Variants in ROCK1 observed in about 807,000 individuals in gnomAD.
ROCK1 encodes the protein rho-associated protein kinase 1.
In ROCK1, 36 loss-of-function variants were observed where a neutral mutation model predicts 196.8. That is an observed-to-expected ratio of 0.18 (90% confidence interval 0.14 to 0.24). ROCK1 has a LOEUF of 0.24. Among genes scored for constraint, ROCK1 ranks in the 10% least tolerant of loss-of-function variants. The pLI, the probability that ROCK1 is intolerant of heterozygous loss-of-function variation, is 1.00. For missense variants in ROCK1, 920 were observed against 1,562.0 expected, an observed-to-expected ratio of 0.59 and a Z score of 6.93; for synonymous variants, 443 against 515.9, an observed-to-expected ratio of 0.86 and a Z score of 1.91.
Position 21,108,823 on chromosome 18 carries a change from T to A in ROCK1, c.93+1995A>T, listed in dbSNP as rs528390436. 2.0e-5 allele frequency among the ~76,000 whole-genome samples: 3 copies of A among 152,374 alleles called. No individual in the cohort carries two copies. The South Asian group carries it at 6.2e-4, about 32-fold the overall frequency. On this transcript the variant is annotated intron_variant, in intron 1 of 32. Coordinates refer to ENST00000399799, the MANE Select transcript of ROCK1 (RefSeq NM_005406.3). Reference sequence around the variant, plus strand: ...CCATCTTCCACACACCAGATTCATCTTCTTCATTCATCCTAGCACGGTCTT... The same window carrying A: ...CCATCTTCCACACACCAGATTCATCATCTTCATTCATCCTAGCACGGTCTT...
At chr18:21,056,267 T>C (rs538803010) in intron 2 of ROCK1, among the ~76,000 whole-genome samples, 107 of 152,276 alleles carry the variant, frequency 7.0e-4, no homozygotes, top group African/African-American at 2.5e-3. Context: ...ATCTATTCAA[T>C]TACTTTCAAA....
At chr18:21,017,443 G>A (rs374612727) in intron 12 of ROCK1, among the ~76,000 whole-genome samples, 1 of 151,284 alleles carries the variant, frequency 6.6e-6, no homozygotes, top group East Asian at 2.0e-4. Context: ...GCCTGCCTCG[G>A]CCTCCCAAAG....
chr18:21,006,651 T>C (rs1032272018), intron 15 of ROCK1, 48 bp downstream of exon 15: 1 of 1,585,868 alleles, frequency 6.3e-7, no homozygotes, highest in South Asian at 1.2e-5. Flanking sequence ...CGATATAATT[T>C]AATTATCTAC....
chr18:21,009,173 T>TC (rs1293170416), intron 13 of ROCK1, among the ~76,000 whole-genome samples: 1 of 149,338 alleles, frequency 6.7e-6, no homozygotes, highest in East Asian at 1.9e-4. Context: ...AGGCTTTTTT[T>TC]TTTTTTTTTT....
intron 1 of ROCK1, among the ~76,000 whole-genome samples, chr18:21,100,609 G>A (rs2036651437): frequency 1.3e-5 from 2 of 151,706 alleles, no homozygotes; most frequent in Non-Finnish European, 2.9e-5. Context: ...AAGACTGAGA[G>A]CGAAATAAAT....
intron 22 of ROCK1, among the ~76,000 whole-genome samples, chr18:20,978,408 T>G (rs965172682): frequency 1.3e-5 from 2 of 152,180 alleles, no homozygotes; most frequent in African/African-American, 4.8e-5. Context: ...AAATGTCCAA[T>G]AAAACTTTCC....
rs375110407 is a variant in ROCK1 at position 20,981,177 on chromosome 18, G to A, written c.2560-1173C>T. 7.9e-5 allele frequency among the ~76,000 whole-genome samples: 12 copies of A among 151,990 alleles called. No homozygotes were observed. The East Asian group carries it at 2.1e-3, about 27-fold the overall frequency. On this transcript the variant is annotated intron_variant, in intron 21 of 32. Transcript: ENST00000399799. ...TGGGAGGCCGAGGCGGGCAGATCAT[G>A]GGGTCAGGAGATCGAAACCATCCTG...
At chr18:20,957,483 TTC>T (rs2035254467) in intron 29 of ROCK1, among the ~76,000 whole-genome samples, 4 of 151,774 alleles carry the variant, frequency 2.6e-5, no homozygotes, top group Non-Finnish European at 5.9e-5. Flanking sequence ...GCTTTCCTTT[TTC>T]TTTTTTTTTT....
intron 19 of ROCK1, among the ~76,000 whole-genome samples, chr18:20,985,591 T>A (rs960225359): frequency 6.6e-6 from 1 of 152,200 alleles, no homozygotes; most frequent in Non-Finnish European, 1.5e-5. Context: ...TGTTTTTCCC[T>A]CCTGGCTGTA....
At chr18:20,995,748 C>A (rs1041622791) in intron 16 of ROCK1, among the ~76,000 whole-genome samples, 1 of 152,200 alleles carries the variant, frequency 6.6e-6, no homozygotes, top group Non-Finnish European at 1.5e-5. Context: ...AGAACAGAGC[C>A]TCTGCATTAT....
intron 14 of ROCK1, 61 bp downstream of exon 14, chr18:21,007,998 A>G (rs2035782643): frequency 2.2e-6 from 3 of 1,341,692 alleles, no homozygotes; most frequent in Non-Finnish European, 3.0e-6. Context: ...ACACTAAATT[A>G]AAGACAACCT....
rs111809781 is a variant in ROCK1, at chr18:21,038,003, T to C, written c.1051+1469A>G. ...TGGTTATTCTATAATTATTTATGCA[T>C]TGCTTAACTTTGAAAAAGAATTTAA... is the stretch of plus-strand genomic sequence containing the variant. On this transcript the variant is annotated intron_variant, in intron 9 of 32. Coordinates refer to ENST00000399799, the MANE Select transcript of ROCK1 (RefSeq NM_005406.3). 3.9e-5 allele frequency among the ~76,000 whole-genome samples: 6 copies of C among 152,292 alleles called. 2 individuals are homozygous for C. The highest frequency in any genetic ancestry group is 1.4e-4 in the African/African-American group (6 of 41,590).
chr18:21,038,926 A>G (rs2036081708), intron 9 of ROCK1, among the ~76,000 whole-genome samples: 1 of 152,224 alleles, frequency 6.6e-6, no homozygotes, highest in Non-Finnish European at 1.5e-5. Context: ...AAAGTGTTCT[A>G]AACTGACTGA....
At chr18:20,993,895 G>C (rs1184430414) in intron 16 of ROCK1, among the ~76,000 whole-genome samples, 1 of 152,058 alleles carries the variant, frequency 6.6e-6, no homozygotes, top group Admixed American at 6.6e-5. Flanking sequence ...ATTCAAAGTG[G>C]CCTAGGATTT....
At chr18:21,012,037 G>C (rs765392265) in intron 13 of ROCK1, among the ~76,000 whole-genome samples, 6 of 152,116 alleles carry the variant, frequency 3.9e-5, no homozygotes, top group Non-Finnish European at 2.9e-5. Flanking sequence ...CACCTCCCAG[G>C]TTCAAGCAGT....
intron 16 of ROCK1, among the ~76,000 whole-genome samples, chr18:21,000,306 A>T (rs2035712538): frequency 6.6e-6 from 1 of 151,446 alleles, no homozygotes; most frequent in Non-Finnish European, 1.5e-5. Flanking sequence ...GTGTTCGCCC[A>T]TGCTGGAGTG....
At chr18:21,010,137 T>C (rs1361897815) in intron 13 of ROCK1, among the ~76,000 whole-genome samples, 2 of 152,188 alleles carry the variant, frequency 1.3e-5, no homozygotes, top group Non-Finnish European at 2.9e-5. Context: ...GTTGATCTTT[T>C]CACACAGCTT....
intron 13 of ROCK1, among the ~76,000 whole-genome samples, chr18:21,013,999 G>A (rs893998423): frequency 6.6e-6 from 1 of 151,018 alleles, no homozygotes; most frequent in African/African-American, 2.4e-5. Flanking sequence ...CCGGGAGGCG[G>A]AGCTTGCAGT....
chr18:21,108,846 C>T lies in ROCK1; in HGVS notation c.93+1972G>A, dbSNP rs79144333. Among the ~76,000 whole-genome samples, 700 of 152,286 alleles carry T rather than the reference C, an allele frequency of 4.6e-3. 16 individuals are homozygous for T. In the East Asian group the frequency reaches 0.11, roughly 24 times the overall value. On this transcript the variant is annotated intron_variant, in intron 1 of 32. Coordinates refer to ENST00000399799, the MANE Select transcript of ROCK1 (RefSeq NM_005406.3). ...TCTTCTTCATTCATCCTAGCACGGT[C>T]TTATTTATAAATATTTAATAGCCAC...
Sources: gnomAD v4.1 joint callset for allele counts (sites outside exome capture counted in the v4.1 genomes callset) on GRCh38, gnomAD v4.1.1 for gene constraint, MANE v1.5 for transcripts, NCBI Gene and HGNC (gene_info 2026-07-23, HGNC 2026-07-21) for gene names.